Variants in PLCL1 observed in about 807,000 individuals in gnomAD.
PLCL1 encodes inactive phospholipase C-like protein 1.
In PLCL1, 41 loss-of-function variants were observed where a neutral mutation model predicts 84.4. The observed-to-expected ratio is 0.49, with a 90% CI of 0.38 to 0.63. PLCL1 has a LOEUF of 0.63. PLCL1 is among the 30% of genes least tolerant of loss of function. The pLI is 0.00. For missense variants in PLCL1, 1,206 were observed against 1,367.8 expected (o/e 0.88, Z 1.87); for synonymous variants, 490 against 488.3 (o/e 1.00, Z -0.05).
At chr2:198,055,304 T>A (rs964477662) in intron 1 of PLCL1, among the ~76,000 whole-genome samples, 5 of 105,634 alleles carry the variant, frequency 4.7e-5, no homozygotes, top group Non-Finnish European at 9.3e-5. Flanking sequence ...CCTCTCTCTC[T>A]CTCTCTCTCT....
At chr2:198,073,453 A>T (rs1322041834) in intron 1 of PLCL1, among the ~76,000 whole-genome samples, 1 of 152,182 alleles carries the variant, frequency 6.6e-6, no homozygotes. Context: ...CCCATTCCGG[A>T]AGTTATGGGT....
chr2:198,010,865 G>T (rs565116561), intron 1 of PLCL1, among the ~76,000 whole-genome samples: 4 of 151,506 alleles, frequency 2.6e-5, no homozygotes, highest in Admixed American at 2.0e-4. Context: ...GTCTTGATAG[G>T]TTGTATGTTT....
chr2:198,031,737 C>T (rs937332743), intron 1 of PLCL1, among the ~76,000 whole-genome samples: 25 of 125,180 alleles, frequency 2.0e-4, no homozygotes, highest in African/African-American at 7.3e-4. Context: ...ATATATATGT[C>T]TTGTCACCCC....
Position 197,875,513 on chromosome 2 carries a change from C to T in PLCL1, c.240+70174C>T, listed in dbSNP as rs533901835. Among the ~76,000 whole-genome samples the T allele has an allele frequency of 3.9e-5, 6 of 152,054 alleles. No homozygotes were observed. The East Asian group carries it at 9.7e-4, about 25-fold the overall frequency. On this transcript the variant is annotated intron_variant, in intron 1 of 5. Transcript: ENST00000428675. ...TGGTTGATGGCTAGTAAGGTGCACT[C>T]GCTTTTAAAAAGACCGCATTGAGCT...
chr2:197,984,627 TA>T (rs1238609709), intron 1 of PLCL1, among the ~76,000 whole-genome samples: 1 of 152,246 alleles, frequency 6.6e-6, no homozygotes, highest in Admixed American at 6.5e-5. Flanking sequence ...ACCAACTTGT[TA>T]AATTTGCAAA....
At chr2:197,976,511 T>C (rs889124752) in intron 1 of PLCL1, among the ~76,000 whole-genome samples, 2 of 152,132 alleles carry the variant, frequency 1.3e-5, no homozygotes, top group Non-Finnish European at 2.9e-5. Context: ...TGCAGTGGCA[T>C]GAACTCGGCT....
In PLCL1 at chr2:198,126,971, G is replaced by C. The variant is rs577494523; in HGVS notation, c.3106-19809G>C. On this transcript the variant is annotated intron_variant, in intron 5 of 5. Transcript: ENST00000428675. Reference sequence around the variant, plus strand: ...AGGTGAGGGACGCTGGTTTTAGCTAGTACAGTGAATGAGTGTGTGAGTGTG... The same window carrying C: ...AGGTGAGGGACGCTGGTTTTAGCTACTACAGTGAATGAGTGTGTGAGTGTG... Among the ~76,000 whole-genome samples, 7 of 150,342 alleles carry C rather than the reference G, an allele frequency of 4.7e-5. No individual in the cohort carries two copies. The South Asian group carries it at 1.5e-3, about 32-fold the overall frequency.
At chr2:197,927,857 T>C (rs1319715586) in intron 1 of PLCL1, among the ~76,000 whole-genome samples, 1 of 152,194 alleles carries the variant, frequency 6.6e-6, no homozygotes, top group Non-Finnish European at 1.5e-5. Flanking sequence ...AAACAGACAC[T>C]GATGACTAGC....
intron 1 of PLCL1, among the ~76,000 whole-genome samples, chr2:197,994,515 T>A (rs1225421560): frequency 6.6e-6 from 1 of 152,202 alleles, no homozygotes; most frequent in Non-Finnish European, 1.5e-5. Flanking sequence ...TTTGGGGATA[T>A]AAGATATGCT....
intron 1 of PLCL1, among the ~76,000 whole-genome samples, chr2:198,044,113 G>T (rs540258711): frequency 2.0e-5 from 3 of 152,068 alleles, no homozygotes; most frequent in Admixed American, 6.6e-5. Flanking sequence ...ATAAAATTGA[G>T]GCCAAGTATA....
At chr2:198,047,199 T>G (rs2105864845) in intron 1 of PLCL1, among the ~76,000 whole-genome samples, 1 of 151,426 alleles carries the variant, frequency 6.6e-6, no homozygotes, top group African/African-American at 2.4e-5. Context: ...GTGTGTTTTG[T>G]TTTGAGAGGG....
intron 1 of PLCL1, among the ~76,000 whole-genome samples, chr2:198,052,609 T>C (rs1279330859): frequency 6.6e-6 from 1 of 152,100 alleles, no homozygotes; most frequent in African/African-American, 2.4e-5. Flanking sequence ...AGGTTTCCCA[T>C]AGTCCTTATT....
intron 5 of PLCL1, among the ~76,000 whole-genome samples, chr2:198,122,341 A>G (rs1386835180): frequency 6.6e-6 from 1 of 152,078 alleles, no homozygotes; most frequent in Non-Finnish European, 1.5e-5. Flanking sequence ...AAGTGACTGA[A>G]CTTTAGATTT....
In PLCL1 at chr2:197,927,975, A is replaced by C. The variant is rs1364120544; in HGVS notation, c.240+122636A>C. On this transcript the variant is annotated intron_variant, in intron 1 of 5. Coordinates refer to ENST00000428675, the MANE Select transcript of PLCL1 (RefSeq NM_006226.4). The stretch of plus-strand genomic sequence containing the variant: ...GAAGGATCCATTTTGTGAAAAATGC[A>C]CAAACTCTTAAGGTTAAATTTAGAA... Among the ~76,000 whole-genome samples, 3 of 152,126 alleles carry C rather than the reference A, an allele frequency of 2.0e-5. No individual in the cohort carries two copies. In the East Asian group the frequency reaches 5.8e-4, roughly 29 times the overall value.
chr2:197,982,561 T>C (rs1041748493), intron 1 of PLCL1, among the ~76,000 whole-genome samples: 2 of 152,218 alleles, frequency 1.3e-5, no homozygotes, highest in Non-Finnish European at 2.9e-5. Context: ...CCACATTCTG[T>C]TTCCAGGATT....
intron 1 of PLCL1, among the ~76,000 whole-genome samples, chr2:198,019,715 C>A (rs1451998540): frequency 6.6e-6 from 1 of 152,114 alleles, no homozygotes; most frequent in Non-Finnish European, 1.5e-5. Flanking sequence ...AGGAACAAAG[C>A]CTCCAAGAAA....
intron 1 of PLCL1, among the ~76,000 whole-genome samples, chr2:197,958,647 T>C (rs1378091663): frequency 6.6e-6 from 1 of 152,092 alleles, no homozygotes; most frequent in Admixed American, 6.6e-5. Flanking sequence ...GTTAGCATGA[T>C]AGTGAAAATA....
At chr2:197,917,624 A>G (rs559667348) in intron 1 of PLCL1, among the ~76,000 whole-genome samples, 25 of 152,318 alleles carry the variant, frequency 1.6e-4, no homozygotes, top group African/African-American at 3.6e-4. Flanking sequence ...GCAAATGAAA[A>G]AATAATTTAA....
intron 1 of PLCL1, among the ~76,000 whole-genome samples, chr2:197,977,171 G>GA (rs1690000404): frequency 1.3e-5 from 2 of 152,144 alleles, no homozygotes; most frequent in South Asian, 4.2e-4. Context: ...TAACAATAAG[G>GA]AAAATCTGCT....
Sources: gnomAD v4.1 joint callset for allele counts (sites outside exome capture counted in the v4.1 genomes callset) on GRCh38, gnomAD v4.1.1 for gene constraint, MANE v1.5 for transcripts, NCBI Gene and HGNC (gene_info 2026-07-23, HGNC 2026-07-21) for gene names.